TXK: variants seen among roughly 807,000 people sequenced by gnomAD.
The protein encoded by TXK is TXK tyrosine kinase, also known as tyrosine-protein kinase TXK.
A neutral mutation model predicts 81.0 loss-of-function variants in TXK; 60 were observed. The observed-to-expected ratio is 0.74, with a 90% CI of 0.60 to 0.92. The LOEUF (loss-of-function observed/expected upper bound fraction) is 0.92. TXK is among the 40% of genes least tolerant of loss of function. The pLI is 0.00. For synonymous variants in TXK, 203 were observed against 210.7 expected, an observed-to-expected ratio of 0.96 and a Z score of 0.32; for missense variants, 581 against 638.3, an observed-to-expected ratio of 0.91 and a Z score of 0.97.
rs76556059 is a variant in TXK at position 48,106,041 on chromosome 4, A to G, written c.447-1086T>C. ...AAAATGGTAGAACAAAAGAGAGAGA[A>G]AGGAAAACTGAAAGGCTTTCATTTC... is the stretch of plus-strand genomic sequence containing the variant. On this transcript the variant is annotated intron_variant, in intron 5 of 14. Coordinates refer to ENST00000264316, the MANE Select transcript of TXK (RefSeq NM_003328.3). The G allele has an allele frequency of 7.2e-5, 11 of 152,366 alleles. No individual in the cohort carries two copies. The East Asian group carries it at 1.7e-3, about 24-fold the overall frequency. The allele number at this position is 152,366 out of a possible 1,614,324, so 9.4% of individuals were successfully genotyped here.
At chr4:48,122,513 TTTTC>T (rs1718986206) in intron 1 of TXK, among the ~76,000 whole-genome samples, 1 of 152,304 alleles carries the variant, frequency 6.6e-6, no homozygotes, top group East Asian at 1.9e-4. Flanking sequence ...CTGCTCTACT[TTTTC>T]TTTCTTTTTT....
chr4:48,070,585 TA>T (rs1229135745), intron 14 of TXK, among the ~76,000 whole-genome samples: 3 of 152,172 alleles, frequency 2.0e-5, no homozygotes, highest in Admixed American at 6.5e-5. Flanking sequence ...TTTATTTATT[TA>T]TTTATTTTTT....
At chr4:48,123,329 T>G (rs1056659623) in intron 1 of TXK, among the ~76,000 whole-genome samples, 4 of 152,208 alleles carry the variant, frequency 2.6e-5, no homozygotes, top group African/African-American at 9.6e-5. Context: ...CAATTTGGCC[T>G]CTGTCTTACC....
At chr4:48,075,648 G>A (rs1034541900) in intron 12 of TXK, among the ~76,000 whole-genome samples, 6 of 149,252 alleles carry the variant, frequency 4.0e-5, no homozygotes, top group Non-Finnish European at 7.5e-5. Context: ...AGACTCTGTC[G>A]AAAAAAAAAA....
chr4:48,110,402 A>T (rs1355107121), intron 5 of TXK, 136 bp downstream of exon 5: 1 of 646,988 alleles, frequency 1.5e-6, no homozygotes. Context: ...CATGATAAGG[A>T]TCAAACGTCT....
intron 10 of TXK, among the ~76,000 whole-genome samples, chr4:48,083,149 C>T (rs1717375233): frequency 6.6e-6 from 1 of 152,228 alleles, no homozygotes; most frequent in Non-Finnish European, 1.5e-5. Context: ...AACGCAGACC[C>T]ACTTGGGCTT....
chr4:48,114,048 A>G (rs867116406), intron 2 of TXK, among the ~76,000 whole-genome samples: 1 of 152,204 alleles, frequency 6.6e-6, no homozygotes, highest in South Asian at 2.1e-4. Flanking sequence ...GGGAAAAAAT[A>G]CGTATTGGAG....
chr4:48,099,125 G>A (rs1718090638), intron 6 of TXK, among the ~76,000 whole-genome samples: 1 of 152,052 alleles, frequency 6.6e-6, no homozygotes, highest in South Asian at 2.1e-4. Flanking sequence ...TATACTGGAA[G>A]CCCAAGAGAA....
At chr4:48,129,242 T>C (rs1719177644) in intron 1 of TXK, among the ~76,000 whole-genome samples, 1 of 152,236 alleles carries the variant, frequency 6.6e-6, no homozygotes, top group Non-Finnish European at 1.5e-5. Context: ...GATACTAAAA[T>C]GTCCATTATT....
chr4:48,071,471 A>C (rs1716850628), intron 14 of TXK, 46 bp downstream of exon 14: 1 of 1,571,494 alleles, frequency 6.4e-7, no homozygotes, highest in Admixed American at 1.8e-5. Context: ...GTCTGCTCTC[A>C]GATGCTGGGA....
chr4:48,084,923 C>CGAGAATGGGTCCAGTTAATCG (rs1234656236), intron 10 of TXK, among the ~76,000 whole-genome samples: 421 of 150,424 alleles, frequency 2.8e-3, no homozygotes, highest in Non-Finnish European at 4.0e-3. Context: ...TCCAGTTAAT[C>CGAGAATGGGTCCAGTTAATCG]ACCTCTGATT....
At chr4:48,126,943 G>A (rs1446328946) in intron 1 of TXK, among the ~76,000 whole-genome samples, 1 of 152,156 alleles carries the variant, frequency 6.6e-6, no homozygotes, top group African/African-American at 2.4e-5. Flanking sequence ...TGTCTTCACT[G>A]TCTTCTGCAG....
intron 6 of TXK, among the ~76,000 whole-genome samples, chr4:48,104,038 T>TA (rs1423006776): frequency 5.4e-5 from 8 of 148,284 alleles, no homozygotes; most frequent in South Asian, 4.2e-4. Flanking sequence ...CCTGTCTCTA[T>TA]AAAAAATACA....
At chr4:48,118,955 T>C (rs1718880997) in intron 1 of TXK, among the ~76,000 whole-genome samples, 2 of 152,254 alleles carry the variant, frequency 1.3e-5, no homozygotes, top group South Asian at 4.1e-4. Flanking sequence ...CCACAAAAGA[T>C]ATACAGGAAC....
intron 1 of TXK, among the ~76,000 whole-genome samples, chr4:48,117,783 C>T (rs1718851716): frequency 6.6e-6 from 1 of 152,206 alleles, no homozygotes; most frequent in African/African-American, 2.4e-5. Flanking sequence ...TCCTACAGGA[C>T]CCTACCTGAA....
chr4:48,094,172 A>G lies in TXK; in HGVS notation c.614T>C (p.Ile205Thr). ...CCACTGTCCTGAGTCATTCTTTTTT[A>G]TCTGATAATGTTTTATGGCAGCCTC... ...STEAAIKHYQ[I>T]KKNDSGQWYV... Residue 205 changes from isoleucine to threonine, a missense_variant, in exon 8 of 15, where the codon ATA (isoleucine) becomes ACA (threonine). Ile to Thr is a moderately conservative substitution (Grantham distance 89). Transcript: ENST00000264316. 2 of 1,613,804 alleles carry G rather than the reference A, an allele frequency of 1.2e-6. No homozygotes were observed. The highest frequency in any genetic ancestry group is 1.7e-6 in the Non-Finnish European group (2 of 1,179,984).
chr4:48,068,326 A>G (rs1030881696), intron 14 of TXK, among the ~76,000 whole-genome samples: 2 of 152,166 alleles, frequency 1.3e-5, no homozygotes, highest in Non-Finnish European at 2.9e-5. Flanking sequence ...CTAGCATACC[A>G]GGCTCCCAAG....
intron 5 of TXK, among the ~76,000 whole-genome samples, chr4:48,105,424 A>G (rs1463792289): frequency 6.6e-6 from 1 of 152,202 alleles, no homozygotes; most frequent in Non-Finnish European, 1.5e-5. Context: ...ATTACGTCAT[A>G]GTATAGTCAG....
Position 48,120,122 on chromosome 4 carries a change from C to CATATGTATATACATGTGTAT in TXK, c.17-5740_17-5721dup, listed in dbSNP as rs1160119229. Reference sequence around the variant, plus strand: ...ACAAATATACGTATACATACACATACATATGTATATACATGTGTATATATG... The same window carrying CATATGTATATACATGTGTAT: ...ACAAATATACGTATACATACACATACATATGTATATACATGTGTATATATGTATATACATGTGTATATATG... On this transcript the variant is annotated intron_variant, in intron 1 of 14. Transcript: ENST00000264316. Among the ~76,000 whole-genome samples, 7 of 148,752 alleles carry CATATGTATATACATGTGTAT rather than the reference C, an allele frequency of 4.7e-5. 1 individual carries two copies. Among genetic ancestry groups the CATATGTATATACATGTGTAT allele is most frequent in the Admixed American group, 6.8e-5 (1 of 14,722 alleles).
Sources: gnomAD v4.1 joint callset for allele counts (sites outside exome capture counted in the v4.1 genomes callset) on GRCh38, gnomAD v4.1.1 for gene constraint, MANE v1.5 for transcripts, NCBI Gene and HGNC (gene_info 2026-07-23, HGNC 2026-07-21) for gene names.